Variants in ALKBH1 observed in about 807,000 individuals in gnomAD.
The protein encoded by ALKBH1 is nucleic acid dioxygenase ALKBH1.
ALKBH1 carries 31 observed loss-of-function variants against 36.6 expected under a neutral mutation model. The ratio of observed to expected loss-of-function variants is 0.85; its 90% CI spans 0.64 to 1.14. The LOEUF is 1.14. Ranked by LOEUF, ALKBH1 falls within the 50% of genes most tolerant of loss-of-function variation. ALKBH1 has a pLI of 0.00. For missense variants in ALKBH1, 490 were observed against 497.3 expected (o/e 0.99, Z 0.14); for synonymous variants, 183 against 186.6 (o/e 0.98, Z 0.16).
At chr14:77,692,916 A>AAAT (rs1555384383) in intron 3 of ALKBH1, among the ~76,000 whole-genome samples, 45 of 150,824 alleles carry the variant, frequency 3.0e-4, no homozygotes, top group African/African-American at 8.8e-4. Context: ...AAAAAAAAAA[A>AAAT]TTTTTTTGGG....
chr14:77,692,971 C>T (rs1005155646), intron 3 of ALKBH1, among the ~76,000 whole-genome samples: 26 of 151,626 alleles, frequency 1.7e-4, no homozygotes, highest in Admixed American at 1.1e-3. Context: ...TTTGGGAGGC[C>T]GAGGTGGGCA....
At chr14:77,684,275 C>A (rs182593312) in intron 3 of ALKBH1, among the ~76,000 whole-genome samples, 1 of 152,332 alleles carries the variant, frequency 6.6e-6, no homozygotes, top group East Asian at 1.9e-4. Context: ...AGGAATTACA[C>A]TTTGAAAACC....
At chr14:77,683,436 C>G (rs1376538982) in intron 3 of ALKBH1, 3 of 747,966 alleles carry the variant, frequency 4.0e-6, no homozygotes, top group Non-Finnish European at 7.4e-6. Context: ...GAGTCTTGCC[C>G]TTAACTTACT....
intron 4 of ALKBH1, among the ~76,000 whole-genome samples, chr14:77,676,702 G>A (rs1215803597): frequency 6.6e-6 from 1 of 152,160 alleles, no homozygotes; most frequent in Non-Finnish European, 1.5e-5. Flanking sequence ...TAGGGGGAGA[G>A]CACGAGCTCT....
intron 4 of ALKBH1, 92 bp from the exon 5 acceptor site, chr14:77,675,941 A>T (rs2080203072): frequency 2.9e-6 from 3 of 1,042,444 alleles, no homozygotes; most frequent in Non-Finnish European, 4.2e-6. Flanking sequence ...AAATAATCTT[A>T]CTTACAAAGT....
chr14:77,681,882 C>T (rs2267762), intron 3 of ALKBH1, among the ~76,000 whole-genome samples: 71,480 of 152,112 alleles, frequency 0.47, 17,038 homozygotes, highest in African/African-American at 0.5. Flanking sequence ...CAACCCATTG[C>T]CATATCCGGT....
At position 77,673,983 on chromosome 14, in the gene ALKBH1, G is replaced by A. The variant is rs772745331; in HGVS notation, c.999C>T (p.Tyr333=). The A allele has an allele frequency of 2.1e-5, 34 of 1,614,062 alleles. 1 individual carries two copies. The South Asian group carries it at 3.6e-4, about 17-fold the overall frequency. Residue 333 remains tyrosine (Y), a synonymous_variant, in exon 6 of 6, where the codon TAC becomes TAT. Coordinates refer to ENST00000216489, the MANE Select transcript of ALKBH1 (RefSeq NM_006020.3). ...TCATGTTAACACGAGCGGTCTTCAAGTAGCTGGCACACACCTGCCAGTCCT... is the reference window on the plus strand; with the variant it reads ...TCATGTTAACACGAGCGGTCTTCAAATAGCTGGCACACACCTGCCAGTCCT... ...SMEDWQVCAS[Y]LKTARVNMTV...
intron 2 of ALKBH1, among the ~76,000 whole-genome samples, chr14:77,701,876 T>C (rs2080361294): frequency 6.6e-6 from 1 of 152,086 alleles, no homozygotes; most frequent in Non-Finnish European, 1.5e-5. Flanking sequence ...AAGCAGTAAA[T>C]CCTAGAAAGC....
At chr14:77,674,263 A>C in intron 5 of ALKBH1, 22 bp from the exon 6 acceptor site, 1 of 1,525,192 alleles carries the variant, frequency 6.6e-7, no homozygotes, top group Non-Finnish European at 8.8e-7. Flanking sequence ...AAGTAAAAAC[A>C]CACAACAATA....
intron 3 of ALKBH1, chr14:77,683,187 G>A: frequency 4.8e-6 from 3 of 627,462 alleles, no homozygotes; most frequent in Non-Finnish European, 8.8e-6. Context: ...CAGTCCAGGG[G>A]TATTTTAACA....
chr14:77,687,889 G>C (rs1346966617), intron 3 of ALKBH1, among the ~76,000 whole-genome samples: 1 of 138,872 alleles, frequency 7.2e-6, no homozygotes, highest in East Asian at 2.1e-4. Context: ...CTTTACTATG[G>C]CCTTTACGTG....
chr14:77,677,229 A>C (rs1286569014), intron 4 of ALKBH1, among the ~76,000 whole-genome samples: 1 of 151,782 alleles, frequency 6.6e-6, no homozygotes, highest in Non-Finnish European at 1.5e-5. Flanking sequence ...TAGTAGGAAC[A>C]GGGTTTCACC....
rs1219147982 is a variant in ALKBH1 at position 77,675,673 on chromosome 14, T to A, written c.723A>T (p.Lys241Asn). The part of the protein sequence containing the change: ...HVDRSELDHS[K>N]PLLSFSFGQS... ...TAACTCACCTGAATGACAGCAAGGG[T>A]TTGGAGTGATCTAGCTCAGATCTGT... The change falls in exon 5 of 6, where the codon AAA becomes AAT. Residue 241 changes from lysine (K) to asparagine (N), a missense_variant. Physicochemically the swap from Lys to Asn is moderately conservative, Grantham distance 94. Coordinates refer to ENST00000216489, the MANE Select transcript of ALKBH1 (RefSeq NM_006020.3). The A allele has an allele frequency of 6.2e-7, 1 of 1,613,308 alleles. No individual in the cohort carries two copies. Among genetic ancestry groups the A allele is most frequent in the East Asian group, 2.2e-5 (1 of 44,862 alleles).
intron 4 of ALKBH1, among the ~76,000 whole-genome samples, chr14:77,678,563 A>G (rs76902647): frequency 0.036 from 5,386 of 149,740 alleles, 147 homozygotes; most frequent in Non-Finnish European, 0.053. Flanking sequence ...AAAAAAAAAC[A>G]GACAAAGTAA....
In ALKBH1 at chr14:77,694,828, T is replaced by C; in HGVS notation, c.365A>G (p.Tyr122Cys). ...GTTACATACATTAGGTTTCTGGGAA[T>C]ATAACTTAAGGCACTGTTTCACCCA... ...WHWVKQCLKL[Y>C]SQKPNVCNLD... The change falls in exon 3 of 6, where the codon TAT (tyrosine) becomes TGT (cysteine). Residue 122 changes from tyrosine to cysteine, a missense_variant. Transcript: ENST00000216489. The C allele has an allele frequency of 6.2e-7, 1 of 1,607,200 alleles. No individual in the cohort carries two copies. The highest frequency in any genetic ancestry group is 8.5e-7 in the Non-Finnish European group (1 of 1,177,000).
At chr14:77,674,605 T>A (rs1036834205) in intron 5 of ALKBH1, among the ~76,000 whole-genome samples, 1 of 152,062 alleles carries the variant, frequency 6.6e-6, no homozygotes, top group Non-Finnish European at 1.5e-5. Flanking sequence ...GTGGCTGGAG[T>A]GCAGCGGCGC....
intron 3 of ALKBH1, among the ~76,000 whole-genome samples, chr14:77,693,132 G>A (rs935933333): frequency 2.4e-4 from 37 of 151,656 alleles, no homozygotes; most frequent in Non-Finnish European, 5.4e-4. Flanking sequence ...CTTGAACCCG[G>A]GAGGTGGAGG....
chr14:77,691,712 C>T (rs1555384317), intron 3 of ALKBH1: 1 of 150,712 alleles, frequency 6.6e-6, no homozygotes, highest in Admixed American at 6.6e-5. Flanking sequence ...TTTATTAGAC[C>T]AAAAAAAAGG....
rs1011512330 is a variant in ALKBH1, at chr14:77,672,532, G to A, written c.*1280C>T. On this transcript the variant is annotated 3_prime_UTR_variant, in exon 6 of 6. Coordinates refer to ENST00000216489, the MANE Select transcript of ALKBH1 (RefSeq NM_006020.3). ...AGGAGACATGTAAACTTAATAACAT[G>A]CATTGCAAACAGTAGGTACCAAATG... 6.6e-6 allele frequency: 1 copy of A among 152,198 alleles called. No homozygotes were observed. The highest frequency in any genetic ancestry group is 2.4e-5 in the African/African-American group (1 of 41,442). The allele number at this position is 152,198 out of a possible 1,614,324, so 9.4% of individuals were successfully genotyped here.
Sources: allele counts gnomAD v4.1 joint callset (sites outside exome capture counted in the v4.1 genomes callset), GRCh38; gene constraint gnomAD v4.1.1; transcripts MANE v1.5; gene names NCBI Gene and HGNC (gene_info 2026-07-23, HGNC 2026-07-21).